Variants in CNBD2 observed in about 807,000 individuals in gnomAD.
The protein encoded by CNBD2 is cyclic nucleotide-binding domain-containing protein 2.
CNBD2 carries 64 observed loss-of-function variants against 63.7 expected under a neutral mutation model. The observed-to-expected ratio is 1.00, with a 90% CI of 0.82 to 1.24. The LOEUF (loss-of-function observed/expected upper bound fraction) is 1.24, where lower values mean the gene tolerates loss of function less well. CNBD2 is among the 50% of genes most tolerant of loss of function. CNBD2 has a pLI of 0.00. For missense variants in CNBD2, 691 were observed against 713.5 expected, an observed-to-expected ratio of 0.97 and a Z score of 0.36; for synonymous variants, 229 against 255.4, an observed-to-expected ratio of 0.90 and a Z score of 0.99.
chr20:35,998,292 C>T (rs2056853532), intron 8 of CNBD2, among the ~76,000 whole-genome samples: 1 of 151,890 alleles, frequency 6.6e-6, no homozygotes, highest in Non-Finnish European at 1.5e-5. Context: ...CTGCCTGCCT[C>T]GGCCTCCCAA....
At chr20:36,001,218 T>C (rs1168851313) in intron 8 of CNBD2, among the ~76,000 whole-genome samples, 6 of 152,070 alleles carry the variant, frequency 3.9e-5, no homozygotes, top group Non-Finnish European at 5.9e-5. Context: ...AAAACCGCCA[T>C]TGTCATCATG....
At chr20:36,006,111 C>T (rs2056981538) in intron 8 of CNBD2, among the ~76,000 whole-genome samples, 1 of 151,458 alleles carries the variant, frequency 6.6e-6, no homozygotes, top group African/African-American at 2.4e-5. Context: ...TCCCTGCAAC[C>T]TCTGCCTCCC....
At chr20:36,015,967 G>GA (rs1274898665) in intron 10 of CNBD2, among the ~76,000 whole-genome samples, 1 of 152,036 alleles carries the variant, frequency 6.6e-6, no homozygotes, top group Non-Finnish European at 1.5e-5. Context: ...CTTTACAATG[G>GA]AAAAAATCTG....
intron 10 of CNBD2, among the ~76,000 whole-genome samples, chr20:36,022,155 C>A (rs2057219197): frequency 6.7e-6 from 1 of 148,656 alleles, no homozygotes; most frequent in African/African-American, 2.5e-5. Flanking sequence ...ATTACAGGCA[C>A]CGGCCACCAT....
At chr20:35,990,264 A>G (rs1017487216) in intron 7 of CNBD2, among the ~76,000 whole-genome samples, 8 of 152,242 alleles carry the variant, frequency 5.3e-5, no homozygotes, top group Non-Finnish European at 1.2e-4. Context: ...TATAATGCAG[A>G]TTAAATTTAA....
chr20:35,998,354 T>C (rs916974128), intron 8 of CNBD2, among the ~76,000 whole-genome samples: 8 of 152,128 alleles, frequency 5.3e-5, no homozygotes, highest in African/African-American at 1.9e-4. Context: ...GTTATTGAAT[T>C]CTAAGATAAC....
upstream of CNBD2, chr20:35,954,419 G>C (rs532041761): frequency 2.0e-4 from 318 of 1,551,546 alleles, 4 homozygotes; most frequent in South Asian, 3.5e-3. Flanking sequence ...AGTCGGACTC[G>C]GGACCGGCCG....
chr20:35,984,172 T>G, intron 5 of CNBD2, 34 bp downstream of exon 5: 1 of 1,565,588 alleles, frequency 6.4e-7, no homozygotes. Flanking sequence ...TTTCCTGGGG[T>G]GGAGTGGGTG....
At position 35,968,677 on chromosome 20, in the gene CNBD2, G is replaced by C; in HGVS notation, c.-86G>C. The C allele has an allele frequency of 1.0e-6, 1 of 961,276 alleles. No individual in the cohort carries two copies. Among genetic ancestry groups the C allele is most frequent in the Non-Finnish European group, 1.6e-6 (1 of 614,750 alleles). 59.5% of individuals were successfully genotyped at this position (961,276 alleles called of 1,614,324 possible). ...TACTGAGGAAATCTATTTGTTTCTA[G>C]TATTACTGGATTTTTGGGGAAAAAT... On this transcript the variant is annotated 5_prime_UTR_variant, in exon 1 of 12. Coordinates refer to ENST00000373973, the MANE Select transcript of CNBD2 (RefSeq NM_001365709.1).
intron 11 of CNBD2, 46 bp downstream of exon 11, chr20:36,023,817 A>C (rs781102153): frequency 1.1e-5 from 16 of 1,472,458 alleles, no homozygotes; most frequent in Non-Finnish European, 1.5e-5. Flanking sequence ...GAAATGAACA[A>C]TTTTTCACCT....
chr20:35,995,144 A>G lies in CNBD2; in HGVS notation c.962A>G (p.His321Arg), dbSNP rs2147273928. Residue 321 changes from histidine (H) to arginine (R), a missense_variant, in exon 8 of 12, where the codon CAC (histidine) becomes CGC (arginine). His to Arg is a conservative substitution (Grantham distance 29, BLOSUM62 0). Transcript: ENST00000373973. ...ELIDGRPLKT[H>R]LSEYSPMERF... ...ATAGATGGCAGACCTCTGAAGACCC[A>G]CCTGAGTGGTAAGCTGCCTTGGCCT... The G allele has an allele frequency of 6.2e-7, 1 of 1,612,486 alleles. No individual in the cohort carries two copies. Among genetic ancestry groups the G allele is most frequent in the Non-Finnish European group, 8.5e-7 (1 of 1,178,792 alleles).
rs2056442540 is a variant in CNBD2, at chr20:35,972,888, A to T, written c.189+122A>T. The T allele has an allele frequency of 4.5e-6, 4 of 897,706 alleles. No homozygotes were observed. In the East Asian group the frequency reaches 1.0e-4, roughly 23 times the overall value. The allele number at this position is 897,706 out of a possible 1,614,324, so 55.6% of individuals were successfully genotyped here. A position where few individuals can be genotyped will look rare whatever the true frequency, so the allele number is the denominator to read the frequency against. Reference sequence around the variant, plus strand: ...AAAAGGAAAAGCAGATGAGAGACCCAATGGTCACTTTTATTAATGGCCATA... The same window carrying T: ...AAAAGGAAAAGCAGATGAGAGACCCTATGGTCACTTTTATTAATGGCCATA... On this transcript the variant is annotated intron_variant, in intron 2 of 11. Transcript: ENST00000373973.
In CNBD2 at chr20:35,989,889, GA is replaced by G. The variant is rs548499374; in HGVS notation, c.855+2358del. 5.2e-5 allele frequency among the ~76,000 whole-genome samples: 7 copies of G among 135,644 alleles called. No homozygotes were observed. In the South Asian group the frequency reaches 1.4e-3, roughly 28 times the overall value. 89.0% of individuals were successfully genotyped at this position (135,644 alleles called of 152,430 possible). On this transcript the variant is annotated intron_variant, in intron 7 of 11. Coordinates refer to ENST00000373973, the MANE Select transcript of CNBD2 (RefSeq NM_001365709.1). ...AGGGAGAGAGAGAGAGAGAGAGAGA[GA>G]AGAGGGGAGGGGAGGGGAGGGGGAA...
Position 35,976,002 on chromosome 20 carries a change from G to C in CNBD2, c.243G>C (p.Glu81Asp). 6.2e-7 allele frequency: 1 copy of C among 1,608,478 alleles called. No homozygotes were observed. The highest frequency in any genetic ancestry group is 8.5e-7 in the Non-Finnish European group (1 of 1,175,420). Reference sequence around the variant, plus strand: ...ATACCATGGACTTCATTGCAGAGGAGGTATGCATAGCTCGAAACTTGCTGT... The same window carrying C: ...ATACCATGGACTTCATTGCAGAGGACGTATGCATAGCTCGAAACTTGCTGT... ...TFDTMDFIAE[E>D]GHFPPKAIQI... Residue 81 changes from glutamate to aspartate, a missense_variant and splice_region_variant, in exon 3 of 12, where the codon GAG (glutamate) becomes GAC (aspartate). Physicochemically the swap from Glu to Asp is conservative, Grantham distance 45. Coordinates refer to ENST00000373973, the MANE Select transcript of CNBD2 (RefSeq NM_001365709.1).
At chr20:35,961,778 CAG>C (rs2056310589) in intron 2 of CNBD2, among the ~76,000 whole-genome samples, 1 of 152,130 alleles carries the variant, frequency 6.6e-6, no homozygotes, top group African/African-American at 2.4e-5. Flanking sequence ...CTTCTTCTGA[CAG>C]GGTTTTTTGT....
intron 10 of CNBD2, among the ~76,000 whole-genome samples, chr20:36,022,238 C>T (rs1322041985): frequency 2.6e-5 from 3 of 116,638 alleles, no homozygotes; most frequent in Non-Finnish European, 3.3e-5. Flanking sequence ...CTCGCTCTGT[C>T]GTCAGGCTGG....
Position 35,984,708 on chromosome 20 carries a change from G to C in CNBD2, c.646G>C (p.Glu216Gln), listed in dbSNP as rs778699165. The stretch of plus-strand genomic sequence containing the variant: ...AACGGAGTTCCTGGTTGTTGACCGG[G>C]AGGACTTCTTTGCTAATAAGCTGGA... ...EETEFLVVDR[E>Q]DFFANKLDQE... Residue 216 changes from glutamate (E) to glutamine (Q), a missense_variant, in exon 6 of 12, where the codon GAG becomes CAG. Transcript: ENST00000373973. 3.7e-6 allele frequency: 6 copies of C among 1,614,204 alleles called. No homozygotes were observed. In the South Asian group the frequency reaches 5.5e-5, roughly 15 times the overall value.
chr20:35,964,282 G>A (rs1325089867), upstream of CNBD2, among the ~76,000 whole-genome samples: 1 of 151,980 alleles, frequency 6.6e-6, no homozygotes, highest in Non-Finnish European at 1.5e-5. Flanking sequence ...CTGGGTTCAA[G>A]CGATTCTCCT....
chr20:35,960,782 CA>C (rs2056302087), intron 2 of CNBD2, among the ~76,000 whole-genome samples: 40 of 86,138 alleles, frequency 4.6e-4, no homozygotes, highest in Middle Eastern at 6.7e-3. Context: ...CCTTCTCTTC[CA>C]TTCTCTTCCC....
Sources: allele counts gnomAD v4.1 joint callset (sites outside exome capture counted in the v4.1 genomes callset), GRCh38; gene constraint gnomAD v4.1.1; transcripts MANE v1.5; gene names NCBI Gene and HGNC (gene_info 2026-07-23, HGNC 2026-07-21).